CELF2: variants seen among roughly 807,000 people sequenced by gnomAD.
CELF2 encodes CUGBP Elav-like family member 2.
In CELF2, 8 loss-of-function variants were observed where a neutral mutation model predicts 62.6. The observed-to-expected ratio is 0.13, with a 90% CI of 0.07 to 0.23. The LOEUF (loss-of-function observed/expected upper bound fraction) is 0.23. CELF2 is among the 10% of genes least tolerant of loss of function. CELF2 has a pLI of 1.00. For missense variants in CELF2, 333 were observed against 671.0 expected, an observed-to-expected ratio of 0.50 and a Z score of 5.56; for synonymous variants, 258 against 250.0, an observed-to-expected ratio of 1.03 and a Z score of -0.30.
Position 10,934,422 on chromosome 10 carries a change from G to C in CELF2, c.89+14423G>C, listed in dbSNP as rs894038196. ...CATCAAATGAACTCATGAGTAAATGGGAGCTAAGAATCTTTCTGAATGGTT... is the reference window on the plus strand; with the variant it reads ...CATCAAATGAACTCATGAGTAAATGCGAGCTAAGAATCTTTCTGAATGGTT... On this transcript the variant is annotated intron_variant, in intron 2 of 13. Coordinates refer to the CELF2 transcript ENST00000636488. This position sits in a 1 kb window ranked among gnomAD's most constrained non-coding sequence, Gnocchi z 4.4. The C allele has an allele frequency of 2.6e-5, 4 of 152,198 alleles. No individual in the cohort carries two copies. Among genetic ancestry groups the C allele is most frequent in the Non-Finnish European group, 4.4e-5 (3 of 68,036 alleles). The allele number at this position is 152,198 out of a possible 1,614,324, so 9.4% of individuals were successfully genotyped here. A position where few individuals can be genotyped will look rare whatever the true frequency, so the allele number is the denominator to read the frequency against.
In CELF2 at chr10:11,315,699, C is replaced by T. The variant is rs1027394221; in HGVS notation, c.1096+1441C>T. ...GGAGCCCGTGAAGTGGTAGCTGTGC[C>T]GCGGCCTCATTGTTTTATTCCAGTT... On this transcript the variant is annotated intron_variant, in intron 10 of 12. Transcript: ENST00000633077. This position sits in a 1 kb window ranked among gnomAD's most constrained non-coding sequence, Gnocchi z 5.8. Among the ~76,000 whole-genome samples, 3 of 152,174 alleles carry T rather than the reference C, an allele frequency of 2.0e-5. No homozygotes were observed. The highest frequency in any genetic ancestry group is 6.5e-5 in the Admixed American group (1 of 15,282).
chr10:11,215,986 C>G lies in CELF2; in HGVS notation c.272-1439C>G, dbSNP rs147977254. On this transcript the variant is annotated intron_variant, in intron 2 of 12. Coordinates refer to ENST00000633077, the MANE Select transcript of CELF2 (RefSeq NM_001326342.2). ...CCAAGTGGATTCTGGTCAAAGAACT[C>G]AAAATAGCTGAAATAAGATGCTCGT... 3.3e-4 allele frequency among the ~76,000 whole-genome samples: 51 copies of G among 152,274 alleles called. 1 individual carries two copies. In the East Asian group the frequency reaches 9.5e-3, roughly 28 times the overall value.
chr10:11,041,538 A>C (rs1456713636), intron 1 of CELF2, among the ~76,000 whole-genome samples: 1 of 152,218 alleles, frequency 6.6e-6, no homozygotes, highest in African/African-American at 2.4e-5. Flanking sequence ...GAGGATGAAA[A>C]AATAAAGTGC....
Position 11,332,299 on chromosome 10 carries a change from TTC to T in CELF2, c.*3248_*3249del, listed in dbSNP as rs1302042726. On this transcript the variant is annotated 3_prime_UTR_variant, in exon 13 of 13. Transcript: ENST00000633077. The stretch of plus-strand genomic sequence containing the variant: ...AGGACAGTCTCTTGAGGGGTTTTGT[TTC>T]TGTTTCCTAAATACTCCTAAATAAT... 1 of 152,218 alleles carries T rather than the reference TTC, an allele frequency of 6.6e-6. No individual in the cohort carries two copies. Among genetic ancestry groups the T allele is most frequent in the African/African-American group, 2.4e-5 (1 of 41,440 alleles). 9.4% of individuals were successfully genotyped at this position (152,218 alleles called of 1,614,324 possible).
intron 9 of CELF2, among the ~76,000 whole-genome samples, chr10:11,293,771 C>G (rs1328008404): frequency 6.6e-6 from 1 of 152,134 alleles, no homozygotes; most frequent in Non-Finnish European, 1.5e-5. Flanking sequence ...AGCAGCACAT[C>G]AGACACAGGC....
At chr10:11,208,219 A>G (rs544545411) in intron 2 of CELF2, among the ~76,000 whole-genome samples, 3 of 152,236 alleles carry the variant, frequency 2.0e-5, no homozygotes, top group African/African-American at 7.2e-5. Flanking sequence ...GAACTAGTGT[A>G]GGGACCAAGA....
chr10:11,078,107 C>T (rs753110962), intron 1 of CELF2, among the ~76,000 whole-genome samples: 1 of 152,092 alleles, frequency 6.6e-6, no homozygotes, highest in African/African-American at 2.4e-5. Flanking sequence ...GTTTTGAATG[C>T]TTTCCCTTGG....
chr10:10,603,322 G>C, the CELF2 span, among the ~76,000 whole-genome samples: 1 of 151,480 alleles, frequency 6.6e-6, no homozygotes, highest in Non-Finnish European at 1.5e-5. Context: ...GAGAAAAATA[G>C]CCAAAAGGAC....
chr10:10,567,617 A>G, the CELF2 span, among the ~76,000 whole-genome samples: 8 of 152,148 alleles, frequency 5.3e-5, no homozygotes, highest in African/African-American at 1.2e-4. Flanking sequence ...TCAAGCCTGT[A>G]TATCTCCTAC....
intron 9 of CELF2, among the ~76,000 whole-genome samples, chr10:11,298,921 G>A (rs747748745): frequency 6.6e-5 from 10 of 152,164 alleles, no homozygotes; most frequent in Non-Finnish European, 1.0e-4. Flanking sequence ...ACTAGAATAA[G>A]GTCCAATGAT....
chr10:10,856,541 G>A (rs766694646), intron 1 of CELF2, among the ~76,000 whole-genome samples: 2 of 152,116 alleles, frequency 1.3e-5, no homozygotes, highest in African/African-American at 2.4e-5. Context: ...CATTTGATCA[G>A]ATAATAAACA....
chr10:11,257,718 T>C lies in CELF2; in HGVS notation c.404-20T>C. The C allele has an allele frequency of 6.2e-7, 1 of 1,610,796 alleles. No homozygotes were observed. Among genetic ancestry groups the C allele is most frequent in the Non-Finnish European group, 8.5e-7 (1 of 1,177,156 alleles). On this transcript the variant is annotated intron_variant, in intron 4 of 12. Coordinates refer to ENST00000633077, the MANE Select transcript of CELF2 (RefSeq NM_001326342.2). ...AAAAGATGAAATGGCCTTTGCTCAT[T>C]CGTTATTTTTATCTCCTAGCTGTGG... is the stretch of plus-strand genomic sequence containing the variant.
chr10:10,565,374 C>T, the CELF2 span, among the ~76,000 whole-genome samples: 1 of 152,202 alleles, frequency 6.6e-6, no homozygotes, highest in Admixed American at 6.5e-5. Context: ...TCTCATAAAC[C>T]CACAGGGATA....
chr10:10,743,018 A>G, the CELF2 span, among the ~76,000 whole-genome samples: 1 of 152,214 alleles, frequency 6.6e-6, no homozygotes, highest in African/African-American at 2.4e-5. Flanking sequence ...TTATTCATTG[A>G]CTTAACACTT....
intron 1 of CELF2, among the ~76,000 whole-genome samples, chr10:11,141,915 CAT>C (rs771537485): frequency 2.0e-5 from 3 of 152,188 alleles, no homozygotes; most frequent in Non-Finnish European, 2.9e-5. Context: ...TTGCAGCTGA[CAT>C]ATTATTAATG....
chr10:10,979,648 G>A (rs2051811863), intron 2 of CELF2, among the ~76,000 whole-genome samples: 1 of 144,684 alleles, frequency 6.9e-6, no homozygotes, highest in Admixed American at 7.0e-5. Context: ...TCCAGCCTGG[G>A]CGATAGAGCC....
chr10:10,949,381 A>G (rs1253821502), intron 2 of CELF2, among the ~76,000 whole-genome samples: 1 of 152,104 alleles, frequency 6.6e-6, no homozygotes, highest in Non-Finnish European at 1.5e-5. Flanking sequence ...TGGCGTCACC[A>G]CTGTGGATAA....
intron 1 of CELF2, among the ~76,000 whole-genome samples, chr10:10,825,573 T>G (rs1216340822): frequency 6.6e-6 from 1 of 152,204 alleles, no homozygotes; most frequent in Non-Finnish European, 1.5e-5. Flanking sequence ...TAAACTTTCA[T>G]AATGGTAAAG....
At chr10:11,254,298 A>G (rs910605996) in intron 4 of CELF2, among the ~76,000 whole-genome samples, 2 of 152,270 alleles carry the variant, frequency 1.3e-5, no homozygotes, top group Non-Finnish European at 2.9e-5. Context: ...CCACGGAGCA[A>G]CTTTGGCTAG....
Sources: gnomAD v4.1 joint callset for allele counts (sites outside exome capture counted in the v4.1 genomes callset) on GRCh38, gnomAD v4.1.1 for gene constraint, Gnocchi (gnomAD v3.1) non-coding constraint, MANE v1.5 for transcripts, NCBI Gene and HGNC (gene_info 2026-07-23, HGNC 2026-07-21) for gene names.